The following OSBPL3 variants were observed in gnomAD, a reference collection of about 807,000 sequenced individuals.
The protein encoded by OSBPL3 is oxysterol-binding protein-related protein 3.
OSBPL3 carries 65 observed loss-of-function variants against 120.1 expected under a neutral mutation model. The observed-to-expected ratio is 0.54, with a 90% CI of 0.44 to 0.67. The LOEUF is 0.67. Among genes scored for constraint, OSBPL3 ranks in the 30% least tolerant of loss-of-function variants. OSBPL3 has a pLI of 0.00. For missense variants in OSBPL3, 1,004 were observed against 1,082.1 expected (o/e 0.93, Z 1.01); for synonymous variants, 416 against 402.6 (o/e 1.03, Z -0.40).
chr7:24,963,275 A>C (rs552460897), intron 1 of OSBPL3, among the ~76,000 whole-genome samples: 83 of 152,254 alleles, frequency 5.5e-4, no homozygotes, highest in African/African-American at 1.9e-3. Context: ...AGGAACAGAA[A>C]CCAAAGAAGG....
chr7:24,866,521 A>C (rs909885456), intron 5 of OSBPL3, among the ~76,000 whole-genome samples: 1 of 152,098 alleles, frequency 6.6e-6, no homozygotes, highest in Non-Finnish European at 1.5e-5. Context: ...CACGCCTGTG[A>C]TCTGAGCTAC....
chr7:24,830,967 A>G lies in OSBPL3; in HGVS notation c.1747-62T>C. The G allele has an allele frequency of 6.8e-7, 1 of 1,462,058 alleles. No homozygotes were observed. The highest frequency in any genetic ancestry group is 9.1e-7 in the Non-Finnish European group (1 of 1,095,418). 90.6% of individuals were successfully genotyped at this position (1,462,058 alleles called of 1,614,324 possible). On this transcript the variant is annotated intron_variant, in intron 15 of 22. Transcript: ENST00000313367. This position sits in a 1 kb window ranked among gnomAD's most constrained non-coding sequence, Gnocchi z 4.4. ...TCACCAAGAGCTTTATTGTTCACAA[A>G]GAACTAAACAAAATAAAACCTCTAT...
At chr7:24,845,993 G>T (rs1245266914) in intron 12 of OSBPL3, among the ~76,000 whole-genome samples, 4 of 152,118 alleles carry the variant, frequency 2.6e-5, no homozygotes, top group African/African-American at 2.4e-5. Flanking sequence ...CAAAATAATG[G>T]TAATTAATTA....
intron 1 of OSBPL3, among the ~76,000 whole-genome samples, chr7:24,897,605 G>A (rs1312666108): frequency 3.3e-5 from 5 of 152,126 alleles, no homozygotes; most frequent in South Asian, 4.1e-4. Context: ...GATTACAGGC[G>A]TGAGCCACCG....
chr7:24,847,946 G>A (rs1798642025), intron 12 of OSBPL3, among the ~76,000 whole-genome samples: 1 of 152,178 alleles, frequency 6.6e-6, no homozygotes, highest in Non-Finnish European at 1.5e-5. Context: ...TGTGGGTAGC[G>A]CTTCTATAAA....
intron 16 of OSBPL3, among the ~76,000 whole-genome samples, chr7:24,823,230 T>A (rs1316481201): frequency 6.6e-6 from 1 of 152,126 alleles, no homozygotes; most frequent in Non-Finnish European, 1.5e-5. Flanking sequence ...CTGATTCCAC[T>A]GACTCGGCCA....
In OSBPL3 at chr7:24,894,755, C is replaced by T. The variant is rs76042221; in HGVS notation, c.-149-2134G>A. The stretch of plus-strand genomic sequence containing the variant: ...TGTGTGCAATGTAAAGGGAGAGAAA[C>T]GTGGGCAATAAATGAAAGTTACAGG... On this transcript the variant is annotated intron_variant, in intron 1 of 22. Transcript: ENST00000313367. The surrounding 1 kb of genome is among the most constrained non-coding windows in gnomAD (Gnocchi z 4.1). 0.039 allele frequency among the ~76,000 whole-genome samples: 5,879 copies of T among 152,158 alleles called. 306 individuals carry two copies. The highest frequency in any genetic ancestry group is 0.23 in the East Asian group (1,188 of 5,178).
Position 24,822,183 on chromosome 7 carries a change from A to T in OSBPL3, c.1885-1945T>A, listed in dbSNP as rs538574028. Among the ~76,000 whole-genome samples the T allele has an allele frequency of 2.6e-5, 4 of 152,250 alleles. No individual in the cohort carries two copies. Among genetic ancestry groups the T allele is most frequent in the South Asian group, 2.1e-4 (1 of 4,824 alleles). On this transcript the variant is annotated intron_variant, in intron 16 of 22. Coordinates refer to ENST00000313367, the MANE Select transcript of OSBPL3 (RefSeq NM_015550.4). This position sits in a 1 kb window ranked among gnomAD's most constrained non-coding sequence, Gnocchi z 5.8. ...GCCACCATATCCAGTTATCTTTTTT[A>T]AAAAAATCCTACCACTTGGAGATAC...
intron 19 of OSBPL3, among the ~76,000 whole-genome samples, chr7:24,811,595 G>A (rs1793807265): frequency 6.6e-6 from 1 of 152,228 alleles, no homozygotes; most frequent in Non-Finnish European, 1.5e-5. Flanking sequence ...ACGTCATGAA[G>A]CTTTTCCCCT....
chr7:24,897,339 T>A (rs1264764366), intron 1 of OSBPL3, among the ~76,000 whole-genome samples: 1 of 146,646 alleles, frequency 6.8e-6, no homozygotes, highest in Non-Finnish European at 1.5e-5. Context: ...TTTTTTTTTT[T>A]TTTTGAGACG....
chr7:24,907,244 G>A (rs1338842065), intron 1 of OSBPL3, among the ~76,000 whole-genome samples: 1 of 152,086 alleles, frequency 6.6e-6, no homozygotes, highest in Admixed American at 6.5e-5. Flanking sequence ...TTATCGCCAG[G>A]CTCTCCCCTG....
chr7:24,865,481 CA>C lies in OSBPL3; in HGVS notation c.550-17del. 11 of 1,611,706 alleles carry C rather than the reference CA, an allele frequency of 6.8e-6. No individual in the cohort carries two copies. The highest frequency in any genetic ancestry group is 8.5e-6 in the Non-Finnish European group (10 of 1,178,784). ...TACTGCTACGCTGTTCCACGGATGACAAAAGCACATTGTAAATGGAAACAGA... is the reference window on the plus strand; with the variant it reads ...TACTGCTACGCTGTTCCACGGATGACAAAGCACATTGTAAATGGAAACAGA... On this transcript the variant is annotated splice_polypyrimidine_tract_variant and intron_variant, in intron 6 of 22. Transcript: ENST00000313367.
rs70942886 is a variant in OSBPL3, at chr7:24,841,717, A to AAAAAAAAAAAAAAAAAAAAAAAAAAAAG, written c.1401+561_1401+562insCTTTTTTTTTTTTTTTTTTTTTTTTTTT. 6.0e-5 allele frequency among the ~76,000 whole-genome samples: 5 copies of AAAAAAAAAAAAAAAAAAAAAAAAAAAAG among 82,792 alleles called. 1 individual carries two copies. The highest frequency in any genetic ancestry group is 9.1e-5 in the Non-Finnish European group (4 of 44,186). 54.3% of individuals were successfully genotyped at this position (82,792 alleles called of 152,430 possible). A position where few individuals can be genotyped will look rare whatever the true frequency, so the allele number is the denominator to read the frequency against. On this transcript the variant is annotated intron_variant, in intron 13 of 22. Coordinates refer to ENST00000313367, the MANE Select transcript of OSBPL3 (RefSeq NM_015550.4). ...CTCAAAAAAAAAAAAAAAAAAAAAA[A>AAAAAAAAAAAAAAAAAAAAAAAAAAAAG]AAAAGAGGCCAGGCACAGTGGCTCA...
rs1791765503 is a variant in OSBPL3, at chr7:24,796,780, T to C, written c.*3403A>G. Reference sequence around the variant, plus strand: ...CTGCATTCCCCAAAGTCTCTGAAAATGGTTTGCACTTTAGACTGTCATGAT... The same window carrying C: ...CTGCATTCCCCAAAGTCTCTGAAAACGGTTTGCACTTTAGACTGTCATGAT... On this transcript the variant is annotated 3_prime_UTR_variant, in exon 23 of 23. Coordinates refer to ENST00000313367, the MANE Select transcript of OSBPL3 (RefSeq NM_015550.4). The surrounding 1 kb of genome is among the most constrained non-coding windows in gnomAD (Gnocchi z 5.2). 1 of 152,152 alleles carries C rather than the reference T, an allele frequency of 6.6e-6. No individual in the cohort carries two copies. Among genetic ancestry groups the C allele is most frequent in the South Asian group, 2.1e-4 (1 of 4,832 alleles). The allele number at this position is 152,152 out of a possible 1,614,324, so 9.4% of individuals were successfully genotyped here.
intron 1 of OSBPL3, among the ~76,000 whole-genome samples, chr7:24,928,285 A>T (rs190678709): frequency 6.9e-6 from 1 of 145,114 alleles, no homozygotes; most frequent in Non-Finnish European, 1.5e-5. Context: ...TCCGCCTCCC[A>T]GGTTCACGCC....
rs901957473 is a variant in OSBPL3 at position 24,952,675 on chromosome 7, T to C, written c.-150+27211A>G. On this transcript the variant is annotated intron_variant, in intron 1 of 22. Transcript: ENST00000313367. The surrounding 1 kb of genome is among the most constrained non-coding windows in gnomAD (Gnocchi z 4.4). ...ATCCTGCAACATTCTTAACTGTGCA[T>C]TACATCAACTCTATAGAGATTATGG... Among the ~76,000 whole-genome samples the C allele has an allele frequency of 6.6e-6, 1 of 152,188 alleles. No homozygotes were observed. Among genetic ancestry groups the C allele is most frequent in the Non-Finnish European group, 1.5e-5 (1 of 68,038 alleles).
chr7:24,828,606 G>GAAAAAAAAAA (rs1190652256), intron 16 of OSBPL3, among the ~76,000 whole-genome samples: 481 of 32,508 alleles, frequency 0.015, 40 homozygotes, highest in Non-Finnish European at 0.021. Flanking sequence ...GACTCTGTCT[G>GAAAAAAAAAA]AAAAAAAAAA....
chr7:24,848,006 C>G (rs1584358578), intron 12 of OSBPL3, among the ~76,000 whole-genome samples: 1 of 152,306 alleles, frequency 6.6e-6, no homozygotes, highest in East Asian at 1.9e-4. Flanking sequence ...AGTAAGAGAC[C>G]CACAAGCTTC....
rs554103083 is a variant in OSBPL3 at position 24,822,770 on chromosome 7, C to T, written c.1885-2532G>A. On this transcript the variant is annotated intron_variant, in intron 16 of 22. Coordinates refer to ENST00000313367, the MANE Select transcript of OSBPL3 (RefSeq NM_015550.4). This position sits in a 1 kb window ranked among gnomAD's most constrained non-coding sequence, Gnocchi z 5.8. ...GATAAATATACATCCATATGAATTA[C>T]AAGAGAACCCCTACAGTATACACAC... is the stretch of plus-strand genomic sequence containing the variant. Among the ~76,000 whole-genome samples, 1 of 152,170 alleles carries T rather than the reference C, an allele frequency of 6.6e-6. No individual in the cohort carries two copies. The highest frequency in any genetic ancestry group is 1.5e-5 in the Non-Finnish European group (1 of 68,030).
Sources: allele counts gnomAD v4.1 joint callset (sites outside exome capture counted in the v4.1 genomes callset), GRCh38; gene constraint gnomAD v4.1.1; non-coding constraint Gnocchi (gnomAD v3.1); transcripts MANE v1.5; gene names NCBI Gene and HGNC (gene_info 2026-07-23, HGNC 2026-07-21).